GPS2: variants seen among roughly 807,000 people sequenced by gnomAD.
GPS2 encodes the protein G protein pathway suppressor 2, also known as GPS-2.
A neutral mutation model predicts 48.1 loss-of-function variants in GPS2; 22 were observed. The ratio of observed to expected loss-of-function variants is 0.46; its 90% CI spans 0.33 to 0.65. The LOEUF (loss-of-function observed/expected upper bound fraction) is 0.65, where lower values mean the gene tolerates loss of function less well. Ranked by LOEUF, GPS2 falls within the 30% of genes least tolerant of loss-of-function variation. The pLI is 0.03. For missense variants in GPS2, 366 were observed against 406.8 expected (o/e 0.90, Z 0.86); for synonymous variants, 202 against 142.5 (o/e 1.42, Z -2.98).
Position 7,313,251 on chromosome 17 carries a change from C to G in GPS2, c.765G>C (p.Gln255His). The G allele has an allele frequency of 6.2e-7, 1 of 1,614,216 alleles. No individual in the cohort carries two copies. The highest frequency in any genetic ancestry group is 8.5e-7 in the Non-Finnish European group (1 of 1,180,038). The part of the protein sequence containing the change: ...QPGGALSLQK[Q>H]MEHANQQTGF... ...CAGTCTGCTGGTTAGCATGTTCCAT[C>G]TGCTTTTGCAAGGACAGGGCACCAC... The change falls in exon 9 of 11, where the codon CAG becomes CAC. Residue 255 changes from glutamine to histidine, a missense_variant. Gln to His is a conservative substitution (Grantham distance 24, BLOSUM62 0). Around this residue, in one of 3 missense-constraint regions of GPS2, gnomAD observed 275 missense variants for 282.3 expected, o/e 0.97. Transcript: ENST00000380728.
chr17:7,312,757 C>A lies in GPS2; in HGVS notation c.983G>T (p.Ter328LeuextTer?). The A allele has an allele frequency of 1.2e-6, 2 of 1,612,376 alleles. No homozygotes were observed. The highest frequency in any genetic ancestry group is 2.2e-5 in the South Asian group (2 of 91,004). Residue 328 changes from the stop codon to leucine, a stop_lost, in exon 11 of 11, where the codon TGA (stop) becomes TTA (leucine). Coordinates refer to ENST00000380728, the MANE Select transcript of GPS2 (RefSeq NM_004489.5). ...GGTGTTGAAGATATAATCTGATGGT[C>A]ACTTGTGGTAGAATCGCGGGTTCTG... ...HSQNPRFYHK[*>L]
intron 4 of GPS2, 50 bp from the exon 5 acceptor site, chr17:7,314,209 T>C: frequency 6.3e-7 from 1 of 1,596,326 alleles, no homozygotes; most frequent in East Asian, 2.2e-5. Flanking sequence ...GCCTTCTCTT[T>C]TGCCATTAAA....
Position 7,313,619 on chromosome 17 carries a change from G to A in GPS2, c.583C>T (p.Pro195Ser), listed in dbSNP as rs1182681725. The A allele has an allele frequency of 1.9e-6, 3 of 1,613,944 alleles. No individual in the cohort carries two copies. The highest frequency in any genetic ancestry group is 2.5e-6 in the Non-Finnish European group (3 of 1,180,012). Residue 195 changes from proline (P) to serine (S), a missense_variant, in exon 7 of 11, where the codon CCT becomes TCT. Physicochemically the swap from Pro to Ser is moderately conservative, Grantham distance 74 (BLOSUM62 -1). Coordinates refer to ENST00000380728, the MANE Select transcript of GPS2 (RefSeq NM_004489.5). Reference protein sequence around the residue: ...GGAYGTAQPPPHYGPTQPAYS... With the variant: ...GGAYGTAQPPSHYGPTQPAYS... ...GCTGGCTGTGTGGGCCCATAGTGAG[G>A]TGGGGGCTGAGCAGTCCCATAGGCA...
chr17:7,313,343 A>C, intron 8 of GPS2, 37 bp downstream of exon 8: 2 of 1,610,720 alleles, frequency 1.2e-6, no homozygotes, highest in Non-Finnish European at 1.7e-6. Flanking sequence ...GGAGGGGAGG[A>C]CCTGAGAGCT....
At chr17:7,314,811 G>T in intron 2 of GPS2, 148 bp downstream of exon 2, 1 of 1,278,184 alleles carries the variant, frequency 7.8e-7, no homozygotes, top group Non-Finnish European at 1.1e-6. Flanking sequence ...GCGTGGAACA[G>T]GACGCTTAAA....
intron 4 of GPS2, 58 bp from the exon 5 acceptor site, chr17:7,314,217 A>G: frequency 4.4e-6 from 7 of 1,594,156 alleles, no homozygotes; most frequent in Non-Finnish European, 6.0e-6. Flanking sequence ...TTTTGCCATT[A>G]AACACTGGTT....
intron 2 of GPS2, 177 bp from the exon 3 acceptor site, chr17:7,314,774 G>T: frequency 7.5e-7 from 1 of 1,336,908 alleles, no homozygotes; most frequent in Non-Finnish European, 1.0e-6. Flanking sequence ...TGCTCTCCAA[G>T]GTCCTTCCCA....
At position 7,312,843 on chromosome 17, in the gene GPS2, G is replaced by A. The variant is rs769667385; in HGVS notation, c.901-4C>T. 20 of 1,612,322 alleles carry A rather than the reference G, an allele frequency of 1.2e-5. No individual in the cohort carries two copies. In the South Asian group the frequency reaches 2.0e-4, roughly 16 times the overall value. On this transcript the variant is annotated splice_polypyrimidine_tract_variant and splice_region_variant and intron_variant, in intron 10 of 10. Coordinates refer to ENST00000380728, the MANE Select transcript of GPS2 (RefSeq NM_004489.5). ...GGCTGGTAGCTGCAAAGCCCGACTG[G>A]TGGTGGTGATGAAAAGAGGGCTTTG...
intron 2 of GPS2, 80 bp from the exon 3 acceptor site, chr17:7,314,677 C>T (rs1424727731): frequency 3.1e-6 from 5 of 1,603,164 alleles, no homozygotes; most frequent in Non-Finnish European, 4.2e-6. Context: ...CAGCAAAACC[C>T]AGTCATCCCA....
In GPS2 at chr17:7,313,622, G is replaced by A; in HGVS notation, c.580C>T (p.Pro194Ser). The change falls in exon 7 of 11, where the codon CCA becomes TCA. Residue 194 changes from proline to serine, a missense_variant. Pro to Ser is a moderately conservative substitution (Grantham distance 74, BLOSUM62 -1). Around this residue, in one of 3 missense-constraint regions of GPS2, gnomAD observed 275 missense variants for 282.3 expected, o/e 0.97. Coordinates refer to ENST00000380728, the MANE Select transcript of GPS2 (RefSeq NM_004489.5). ...GGCTGTGTGGGCCCATAGTGAGGTGGGGGCTGAGCAGTCCCATAGGCACCA... is the reference window on the plus strand; with the variant it reads ...GGCTGTGTGGGCCCATAGTGAGGTGAGGGCTGAGCAGTCCCATAGGCACCA... ...PGGAYGTAQP[P>S]PHYGPTQPAY... The A allele has an allele frequency of 6.2e-7, 1 of 1,614,044 alleles. No homozygotes were observed.
At position 7,313,591 on chromosome 17, in the gene GPS2, T is replaced by C; in HGVS notation, c.611A>G (p.Tyr204Cys). ...PPHYGPTQPAYSPSQQLRAPS... is the reference protein window; with the variant it reads ...PPHYGPTQPACSPSQQLRAPS... Reference sequence around the variant, plus strand: ...ACCTCTGAGCTGCTGACTAGGACTATAAGCTGGCTGTGTGGGCCCATAGTG... The same window carrying C: ...ACCTCTGAGCTGCTGACTAGGACTACAAGCTGGCTGTGTGGGCCCATAGTG... Residue 204 changes from tyrosine to cysteine, a missense_variant, in exon 7 of 11, where the codon TAT becomes TGT. Around this residue, in one of 3 missense-constraint regions of GPS2, gnomAD observed 275 missense variants for 282.3 expected, o/e 0.97. Coordinates refer to ENST00000380728, the MANE Select transcript of GPS2 (RefSeq NM_004489.5). 1 of 1,614,052 alleles carries C rather than the reference T, an allele frequency of 6.2e-7. No homozygotes were observed. The highest frequency in any genetic ancestry group is 8.5e-7 in the Non-Finnish European group (1 of 1,179,988).
At chr17:7,314,053 C>A (rs757616701) in intron 5 of GPS2, 27 bp downstream of exon 5, 1 of 1,611,486 alleles carries the variant, frequency 6.2e-7, no homozygotes, top group Non-Finnish European at 8.5e-7. Flanking sequence ...AAGGCCGGTT[C>A]CATCTGGTGG....
intron 2 of GPS2, 165 bp from the exon 3 acceptor site, chr17:7,314,762 G>A (rs556565092): frequency 2.1e-6 from 3 of 1,396,858 alleles, no homozygotes; most frequent in Admixed American, 1.8e-5. Context: ...GGCTTTATCA[G>A]GTGCTCTCCA....
chr17:7,312,846 G>T lies in GPS2; in HGVS notation c.901-7C>A, dbSNP rs777660501. The T allele has an allele frequency of 3.7e-6, 6 of 1,613,038 alleles. No homozygotes were observed. Among genetic ancestry groups the T allele is most frequent in the Non-Finnish European group, 5.1e-6 (6 of 1,179,110 alleles). ...TGGTAGCTGCAAAGCCCGACTGGTG[G>T]TGGTGATGAAAAGAGGGCTTTGTCA... On this transcript the variant is annotated splice_polypyrimidine_tract_variant and splice_region_variant and intron_variant, in intron 10 of 10. Transcript: ENST00000380728.
intron 8 of GPS2, 24 bp downstream of exon 8, chr17:7,313,356 A>G: frequency 6.2e-7 from 1 of 1,612,434 alleles, no homozygotes. Flanking sequence ...TGAGAGCTAG[A>G]GCTCCTGCAT....
In GPS2 at chr17:7,313,945, A is replaced by G. The variant is rs1302870298; in HGVS notation, c.441T>C (p.Ala147=). ...GHNRPGTLMA[A]DRAKQMFGPQ... ...GTCCAAACATTTGTTTGGCTCTGTCAGCTGCCATGAGGGTGCCTGGGCGAT... is the reference window on the plus strand; with the variant it reads ...GTCCAAACATTTGTTTGGCTCTGTCGGCTGCCATGAGGGTGCCTGGGCGAT... Residue 147 remains alanine (A), a synonymous_variant, in exon 6 of 11, where the codon GCT becomes GCC. Coordinates refer to ENST00000380728, the MANE Select transcript of GPS2 (RefSeq NM_004489.5). The G allele has an allele frequency of 2.5e-6, 4 of 1,614,016 alleles. No homozygotes were observed. The highest frequency in any genetic ancestry group is 4.5e-5 in the East Asian group (2 of 44,898).
rs774498715 is a variant in GPS2 at position 7,313,557 on chromosome 17, C to T, written c.634+11G>A. On this transcript the variant is annotated intron_variant, in intron 7 of 10. Transcript: ENST00000380728. Reference sequence around the variant, plus strand: ...TGAGGAAGGCCAAGCCCCATCCCTCCTATTACTCACCTCTGAGCTGCTGAC... The same window carrying T: ...TGAGGAAGGCCAAGCCCCATCCCTCTTATTACTCACCTCTGAGCTGCTGAC... 1.2e-6 allele frequency: 2 copies of T among 1,613,654 alleles called. No individual in the cohort carries two copies. The highest frequency in any genetic ancestry group is 2.2e-5 in the South Asian group (2 of 91,066).
Position 7,314,847 on chromosome 17 carries a change from C to T in GPS2, c.94+112G>A, listed in dbSNP as rs1000600861. ...TCCCACCACAACGGGGCTATTCCTTCCCTCCTCTGCGCTCGGCAGCGGGCG... is the reference window on the plus strand; with the variant it reads ...TCCCACCACAACGGGGCTATTCCTTTCCTCCTCTGCGCTCGGCAGCGGGCG... On this transcript the variant is annotated intron_variant, in intron 2 of 10. Transcript: ENST00000380728. 5.9e-6 allele frequency: 8 copies of T among 1,355,894 alleles called. No homozygotes were observed. The East Asian group carries it at 1.5e-4, about 25-fold the overall frequency. 84.0% of individuals were successfully genotyped at this position (1,355,894 alleles called of 1,614,324 possible).
Position 7,314,479 on chromosome 17 carries a change from A to T in GPS2, c.204+9T>A. The T allele has an allele frequency of 6.2e-7, 1 of 1,614,164 alleles. No homozygotes were observed. The highest frequency in any genetic ancestry group is 8.5e-7 in the Non-Finnish European group (1 of 1,180,016). The stretch of plus-strand genomic sequence containing the variant: ...AATCAAAGCTGGGAAAGTTCAAGGG[A>T]CTGCTTACTTGTTCCTTGGTCTCCT... On this transcript the variant is annotated intron_variant, in intron 3 of 10. Transcript: ENST00000380728.
Sources: gnomAD v4.1 joint callset for allele counts on GRCh38, gnomAD v4.1.1 for gene constraint, gnomAD v4.1.1 regional missense constraint, MANE v1.5 for transcripts, NCBI Gene and HGNC (gene_info 2026-07-23, HGNC 2026-07-21) for gene names.